Variants in TSPAN9 observed in about 807,000 individuals in gnomAD.
The protein encoded by TSPAN9 is tetraspanin-9.
TSPAN9 carries 16 observed loss-of-function variants against 31.0 expected under a neutral mutation model. The ratio of observed to expected loss-of-function variants is 0.52; its 90% confidence interval spans 0.35 to 0.78. The LOEUF (loss-of-function observed/expected upper bound fraction) is 0.78. Ranked by LOEUF, TSPAN9 falls within the 30% of genes least tolerant of loss-of-function variation. The pLI, the probability that TSPAN9 is intolerant of heterozygous loss-of-function variation, is 0.01. For synonymous variants in TSPAN9, 145 were observed against 121.6 expected, an observed-to-expected ratio of 1.19 and a Z score of -1.27; for missense variants, 272 against 312.5, an observed-to-expected ratio of 0.87 and a Z score of 0.98.
intron 2 of TSPAN9, among the ~76,000 whole-genome samples, chr12:3,128,583 C>T (rs74057565): frequency 4.6e-4 from 70 of 152,198 alleles, no homozygotes; most frequent in African/African-American, 1.6e-3. Context: ...AAAAGCCCCA[C>T]GAAAGGCTGA....
intron 3 of TSPAN9, among the ~76,000 whole-genome samples, chr12:3,242,344 C>A (rs1335914146): frequency 6.6e-6 from 1 of 152,236 alleles, no homozygotes; most frequent in Non-Finnish European, 1.5e-5. Flanking sequence ...AGGCCCTGGA[C>A]ATGCCTTCTG....
chr12:3,096,433 C>CTTTTTTTTTTTT (rs1302577208), intron 2 of TSPAN9, among the ~76,000 whole-genome samples: 2 of 152,242 alleles, frequency 1.3e-5, no homozygotes, highest in South Asian at 2.1e-4. Context: ...TGCATTGTCT[C>CTTTTTTTTTTTT]TTTATTCCTT....
At chr12:3,266,264 A>C (rs1328690903) in intron 3 of TSPAN9, among the ~76,000 whole-genome samples, 1 of 152,208 alleles carries the variant, frequency 6.6e-6, no homozygotes, top group African/African-American at 2.4e-5. Flanking sequence ...TTTTGGAGTC[A>C]GATGTCCTGG....
chr12:3,180,539 A>G (rs995085177), intron 2 of TSPAN9, among the ~76,000 whole-genome samples: 3 of 151,912 alleles, frequency 2.0e-5, no homozygotes, highest in Admixed American at 2.0e-4. Flanking sequence ...ATAATGGGTC[A>G]CAGCCTGCAG....
At chr12:3,100,061 T>G (rs1388910413) in intron 2 of TSPAN9, among the ~76,000 whole-genome samples, 1 of 152,068 alleles carries the variant, frequency 6.6e-6, no homozygotes, top group East Asian at 1.9e-4. Context: ...CGGGATGGTC[T>G]CGATCTCCTG....
intron 2 of TSPAN9, among the ~76,000 whole-genome samples, chr12:3,178,780 G>T (rs554392657): frequency 1.3e-5 from 2 of 152,322 alleles, no homozygotes; most frequent in Admixed American, 1.3e-4. Context: ...TGGGCCTCTG[G>T]TCGCGCTCAC....
intron 8 of TSPAN9, chr12:3,282,236 T>C (rs1433306764): frequency 1.8e-6 from 1 of 557,014 alleles, no homozygotes; most frequent in Non-Finnish European, 3.2e-6. Flanking sequence ...CCTGCACTCC[T>C]CTGGGTCCCC....
rs1382303012 is a variant in TSPAN9 at position 3,284,366 on chromosome 12, G to C, written c.*1250G>C. ...CTCCCCGCCAGCCTTGCTCAGCTGT[G>C]GGTTGCCCTGCTGGGAAGGAGGGAA... On this transcript the variant is annotated 3_prime_UTR_variant, in exon 9 of 9. Coordinates refer to ENST00000011898, the MANE Select transcript of TSPAN9 (RefSeq NM_006675.5). 1 of 152,342 alleles carries C rather than the reference G, an allele frequency of 6.6e-6. No homozygotes were observed. The highest frequency in any genetic ancestry group is 1.5e-5 in the Non-Finnish European group (1 of 68,060). 9.4% of individuals were successfully genotyped at this position (152,342 alleles called of 1,614,324 possible).
At chr12:3,122,540 T>A (rs2098325628) in intron 2 of TSPAN9, among the ~76,000 whole-genome samples, 1 of 151,868 alleles carries the variant, frequency 6.6e-6, no homozygotes. Flanking sequence ...ATTACAGGTG[T>A]GAGATACCAC....
chr12:3,214,650 C>T (rs910483007), intron 3 of TSPAN9, among the ~76,000 whole-genome samples: 1 of 150,778 alleles, frequency 6.6e-6, no homozygotes, highest in Non-Finnish European at 1.5e-5. Context: ...CCACAGCAGT[C>T]AGTTGATTTG....
chr12:3,153,063 G>GGGGTGT (rs2098340625), intron 2 of TSPAN9, among the ~76,000 whole-genome samples: 1 of 152,196 alleles, frequency 6.6e-6, no homozygotes, highest in Admixed American at 6.5e-5. Flanking sequence ...GCGCGTGTGT[G>GGGGTGT]GGGTGTGGTG....
At chr12:3,079,944 A>C (rs904829876) in intron 1 of TSPAN9, among the ~76,000 whole-genome samples, 3 of 130,126 alleles carry the variant, frequency 2.3e-5, no homozygotes, top group African/African-American at 5.2e-5. Context: ...TAATTAAAAA[A>C]ATTTTTTTTT....
chr12:3,129,246 C>T (rs563592190), intron 2 of TSPAN9, among the ~76,000 whole-genome samples: 1 of 152,330 alleles, frequency 6.6e-6, no homozygotes, highest in Admixed American at 6.5e-5. Flanking sequence ...CTCTTCTCCT[C>T]TCCAGTCACT....
At chr12:3,104,118 G>A (rs1173591300) in intron 2 of TSPAN9, among the ~76,000 whole-genome samples, 1 of 152,088 alleles carries the variant, frequency 6.6e-6, no homozygotes, top group Admixed American at 6.5e-5. Flanking sequence ...GAGCACATGA[G>A]GCCTGTTCAA....
At chr12:3,132,184 G>T (rs139305534) in intron 2 of TSPAN9, among the ~76,000 whole-genome samples, 167 of 152,238 alleles carry the variant, frequency 1.1e-3, no homozygotes, top group African/African-American at 4.0e-3. Flanking sequence ...GGACATTTGG[G>T]TTGTTTCCAC....
chr12:3,218,831 G>T (rs927845859), intron 3 of TSPAN9, among the ~76,000 whole-genome samples: 4 of 151,974 alleles, frequency 2.6e-5, no homozygotes, highest in Admixed American at 2.6e-4. Flanking sequence ...CTGGAATCTG[G>T]GTCATTAAAA....
chr12:3,095,702 G>A (rs1174483462), intron 2 of TSPAN9, among the ~76,000 whole-genome samples: 1 of 151,310 alleles, frequency 6.6e-6, no homozygotes, highest in African/African-American at 2.4e-5. Context: ...CAGATGGGGC[G>A]GCGGGGCAGA....
chr12:3,265,304 G>A (rs1459138355), intron 3 of TSPAN9, among the ~76,000 whole-genome samples: 1 of 152,160 alleles, frequency 6.6e-6, no homozygotes, highest in Non-Finnish European at 1.5e-5. Flanking sequence ...GGCACCGCGT[G>A]GAAAAGGGTC....
intron 3 of TSPAN9, among the ~76,000 whole-genome samples, chr12:3,255,436 G>A (rs979640776): frequency 1.3e-5 from 2 of 152,162 alleles, no homozygotes; most frequent in African/African-American, 4.8e-5. Context: ...GAAACGGGCC[G>A]AGCCCAACCC....
Sources: allele counts gnomAD v4.1 joint callset (sites outside exome capture counted in the v4.1 genomes callset), GRCh38; gene constraint gnomAD v4.1.1; transcripts MANE v1.5; gene names NCBI Gene and HGNC (gene_info 2026-07-23, HGNC 2026-07-21).